CHCHD3: variants seen among roughly 807,000 people sequenced by gnomAD.
CHCHD3 encodes MICOS complex subunit MIC19.
A neutral mutation model predicts 38.2 loss-of-function variants in CHCHD3; 20 were observed. That is an observed-to-expected ratio of 0.52 (90% CI 0.37 to 0.76). The LOEUF is 0.76. CHCHD3 is among the 30% of genes least tolerant of loss of function. The pLI is 0.00. For synonymous variants in CHCHD3, 82 were observed against 100.0 expected (o/e 0.82, Z 1.07); for missense variants, 245 against 279.2 (o/e 0.88, Z 0.87).
intron 3 of CHCHD3, among the ~76,000 whole-genome samples, chr7:132,984,862 C>G (rs1812049250): frequency 9.1e-6 from 1 of 110,380 alleles, no homozygotes; most frequent in Non-Finnish European, 2.0e-5. Flanking sequence ...GGGGGTCAGC[C>G]CCCCACCCGG....
Position 132,785,301 on chromosome 7 carries a change from G to C in CHCHD3, c.*336C>G, listed in dbSNP as rs907014935. On this transcript the variant is annotated 3_prime_UTR_variant, in exon 8 of 8. Coordinates refer to ENST00000262570, the MANE Select transcript of CHCHD3 (RefSeq NM_017812.4). Reference sequence around the variant, plus strand: ...TAGGGTGGAGGTTCACCAAATGATGGGGCTTGTTCAGAAGAGAAACATTTT... The same window carrying C: ...TAGGGTGGAGGTTCACCAAATGATGCGGCTTGTTCAGAAGAGAAACATTTT... 7.7e-5 allele frequency: 18 copies of C among 234,492 alleles called. No homozygotes were observed. Among genetic ancestry groups the C allele is most frequent in the African/African-American group, 3.9e-4 (17 of 43,816 alleles). 14.5% of individuals were successfully genotyped at this position (234,492 alleles called of 1,614,324 possible).
At chr7:132,928,735 C>T (rs1562911160) in intron 4 of CHCHD3, among the ~76,000 whole-genome samples, 1 of 151,996 alleles carries the variant, frequency 6.6e-6, no homozygotes, top group African/African-American at 2.4e-5. Flanking sequence ...TCAGCATTAA[C>T]GTAGAAGGAT....
intron 4 of CHCHD3, chr7:132,973,784 A>C: frequency 9.2e-7 from 1 of 1,085,184 alleles, no homozygotes; most frequent in Non-Finnish European, 1.1e-6. Flanking sequence ...ACTAGAAATG[A>C]GCCTTCTTCT....
chr7:133,032,648 A>G lies in CHCHD3; in HGVS notation c.170-8021T>C, dbSNP rs1173851947. Among the ~76,000 whole-genome samples the G allele has an allele frequency of 2.6e-5, 4 of 152,324 alleles. No individual in the cohort carries two copies. The East Asian group carries it at 5.8e-4, about 22-fold the overall frequency. ...CATCAATACTGGGCTATAGCCGTAT[A>G]GCAAGAGATAAGCTCGTAATTCATA... On this transcript the variant is annotated intron_variant, in intron 2 of 7. Coordinates refer to ENST00000262570, the MANE Select transcript of CHCHD3 (RefSeq NM_017812.4).
chr7:132,992,465 C>T (rs971876489), intron 3 of CHCHD3, among the ~76,000 whole-genome samples: 3 of 152,142 alleles, frequency 2.0e-5, no homozygotes, highest in African/African-American at 7.2e-5. Context: ...TACCTCTTCC[C>T]ATTGCTCCCC....
intron 2 of CHCHD3, among the ~76,000 whole-genome samples, chr7:133,028,651 C>T (rs1813413269): frequency 6.6e-6 from 1 of 152,038 alleles, no homozygotes; most frequent in African/African-American, 2.4e-5. Context: ...CTCTGAGAGG[C>T]TGAGGTGGGC....
At chr7:132,975,120 G>C in intron 4 of CHCHD3, 49 bp downstream of exon 4, 1 of 1,408,762 alleles carries the variant, frequency 7.1e-7, no homozygotes, top group Non-Finnish European at 1.0e-6. Context: ...CCAAACATCA[G>C]AGATTTCCTT....
intron 1 of CHCHD3, among the ~76,000 whole-genome samples, chr7:133,076,920 A>AT (rs1815007318): frequency 6.6e-6 from 1 of 151,894 alleles, no homozygotes; most frequent in Admixed American, 6.5e-5. Context: ...ACTCAGACCC[A>AT]TTTTTTCTCT....
At chr7:132,925,518 G>A (rs1810352773) in intron 4 of CHCHD3, among the ~76,000 whole-genome samples, 1 of 152,100 alleles carries the variant, frequency 6.6e-6, no homozygotes, top group Admixed American at 6.5e-5. Context: ...TATTTACACG[G>A]GACACGGGTC....
chr7:132,868,236 G>A (rs991595054), intron 5 of CHCHD3, among the ~76,000 whole-genome samples: 3 of 152,110 alleles, frequency 2.0e-5, no homozygotes, highest in Non-Finnish European at 4.4e-5. Context: ...AAAGCTGACG[G>A]GAAGTTGTGG....
At chr7:132,870,307 G>A (rs947230600) in intron 5 of CHCHD3, among the ~76,000 whole-genome samples, 35 of 143,906 alleles carry the variant, frequency 2.4e-4, no homozygotes, top group Admixed American at 2.1e-3. Context: ...CAGAGATCAC[G>A]CCACTGTACT....
chr7:133,025,998 A>C (rs1043506168), intron 2 of CHCHD3, among the ~76,000 whole-genome samples: 1 of 152,226 alleles, frequency 6.6e-6, no homozygotes, highest in Non-Finnish European at 1.5e-5. Flanking sequence ...TACATGAAAG[A>C]TCAGAAGGAT....
chr7:133,043,261 A>T (rs774688293), intron 2 of CHCHD3, among the ~76,000 whole-genome samples: 2 of 152,202 alleles, frequency 1.3e-5, no homozygotes, highest in Middle Eastern at 3.2e-3. Flanking sequence ...AAAAAAATTT[A>T]AATATGACAC....
chr7:132,834,500 T>G (rs1383774716), intron 6 of CHCHD3, among the ~76,000 whole-genome samples: 1 of 152,174 alleles, frequency 6.6e-6, no homozygotes, highest in Non-Finnish European at 1.5e-5. Flanking sequence ...TCCCCAAGAT[T>G]GCTCTCACTT....
At chr7:132,831,936 G>A (rs985131148) in intron 6 of CHCHD3, among the ~76,000 whole-genome samples, 5 of 152,090 alleles carry the variant, frequency 3.3e-5, no homozygotes, top group Non-Finnish European at 7.4e-5. Flanking sequence ...TACAGAACAT[G>A]AGAAACACCT....
intron 4 of CHCHD3, chr7:132,972,602 G>A: frequency 1.0e-6 from 1 of 985,340 alleles, no homozygotes; most frequent in African/African-American, 1.7e-5. Context: ...ATTGGGAACT[G>A]CCCAATAACT....
intron 4 of CHCHD3, among the ~76,000 whole-genome samples, chr7:132,920,519 C>T (rs945922250): frequency 2.6e-5 from 4 of 152,166 alleles, no homozygotes; most frequent in African/African-American, 9.7e-5. Context: ...TATTCATTCG[C>T]TGAATGACCG....
At chr7:133,013,608 G>A (rs1812943671) in intron 3 of CHCHD3, among the ~76,000 whole-genome samples, 1 of 152,064 alleles carries the variant, frequency 6.6e-6, no homozygotes, top group African/African-American at 2.4e-5. Flanking sequence ...CTTCTTAAAT[G>A]GCATTTATTA....
chr7:132,987,945 TCTTG>T (rs1267520482), intron 3 of CHCHD3, among the ~76,000 whole-genome samples: 4 of 152,164 alleles, frequency 2.6e-5, no homozygotes, highest in South Asian at 2.1e-4. Context: ...ATATATTTTT[TCTTG>T]CTTATGATTT....
Sources: gnomAD v4.1 joint callset for allele counts (sites outside exome capture counted in the v4.1 genomes callset) on GRCh38, gnomAD v4.1.1 for gene constraint, MANE v1.5 for transcripts, NCBI Gene and HGNC (gene_info 2026-07-23, HGNC 2026-07-21) for gene names.